The following SLC22A24 variants were observed in gnomAD, a reference collection of about 807,000 sequenced individuals.
The protein encoded by SLC22A24 is solute carrier family 22 member 24.
A neutral mutation model predicts 49.8 loss-of-function variants in SLC22A24; 53 were observed. That is an observed-to-expected ratio of 1.06 (90% CI 0.85 to 1.34). The LOEUF is 1.34. SLC22A24 is among the 40% of genes most tolerant of loss of function. SLC22A24 has a pLI of 0.00. For missense variants in SLC22A24, 786 were observed against 675.9 expected (o/e 1.16, Z -1.81); for synonymous variants, 302 against 256.4 (o/e 1.18, Z -1.70).
intron 6 of SLC22A24, among the ~76,000 whole-genome samples, chr11:63,086,277 A>T (rs1393629692): frequency 3.9e-5 from 6 of 152,320 alleles, no homozygotes; most frequent in Non-Finnish European, 2.9e-5. Context: ...AAAGACCTAG[A>T]ATCAACCTAA....
intron 9 of SLC22A24, 24 bp downstream of exon 9, chr11:63,080,896 G>GCTAGAGGGTTTACTCAC: frequency 6.5e-7 from 1 of 1,542,864 alleles, no homozygotes; most frequent in Non-Finnish European, 8.8e-7. Flanking sequence ...CCCCACTCAA[G>GCTAGAGGGTTTACTCAC]TGACAGCTAG....
intron 1 of SLC22A24, among the ~76,000 whole-genome samples, chr11:63,137,657 G>T (rs1490860247): frequency 6.6e-6 from 1 of 152,212 alleles, no homozygotes; most frequent in Non-Finnish European, 1.5e-5. Context: ...TTGCTGGAAT[G>T]GAAAATGTTA....
chr11:63,134,912 C>T lies in SLC22A24; in HGVS notation c.403-144G>A, dbSNP rs1002403292. On this transcript the variant is annotated intron_variant, in intron 1 of 9. Transcript: ENST00000612278. ...CCCTCTCCAGCTTCATCTGCAGGTACTCTTTTCTGGTAGCTCATATTCTAA... is the reference window on the plus strand; with the variant it reads ...CCCTCTCCAGCTTCATCTGCAGGTATTCTTTTCTGGTAGCTCATATTCTAA... The T allele has an allele frequency of 3.3e-5, 19 of 570,340 alleles. No homozygotes were observed. The Admixed American group carries it at 3.7e-4, about 11-fold the overall frequency. The allele number at this position is 570,340 out of a possible 1,614,324, so 35.3% of individuals were successfully genotyped here. A position where few individuals can be genotyped will look rare whatever the true frequency, so the allele number is the denominator to read the frequency against.
At chr11:63,107,969 T>C (rs1435548998) in intron 4 of SLC22A24, among the ~76,000 whole-genome samples, 2 of 152,226 alleles carry the variant, frequency 1.3e-5, no homozygotes, top group Middle Eastern at 3.4e-3. Context: ...TCCAACACTA[T>C]GTTGAATAGG....
chr11:63,143,466 A>T lies in SLC22A24; in HGVS notation c.314T>A (p.Phe105Tyr), dbSNP rs768448165. 2.5e-6 allele frequency: 4 copies of T among 1,594,148 alleles called. No homozygotes were observed. The highest frequency in any genetic ancestry group is 3.4e-6 in the Non-Finnish European group (4 of 1,170,652). ...QWQLLHLNGTFPNTNEPDTEP... is the reference protein window; with the variant it reads ...QWQLLHLNGTYPNTNEPDTEP... ...CGTGTCTGGCTCATTTGTGTTGGGG[A>T]AGGTCCCGTTCAGGTGAAGGAGCTG... The change falls in exon 1 of 10, where the codon TTC becomes TAC. Residue 105 changes from phenylalanine (F) to tyrosine (Y), a missense_variant. Physicochemically the swap from Phe to Tyr is conservative, Grantham distance 22. Coordinates refer to ENST00000612278, the MANE Select transcript of SLC22A24 (RefSeq NM_001136506.2).
intron 4 of SLC22A24, among the ~76,000 whole-genome samples, chr11:63,114,320 T>G (rs1232707747): frequency 6.6e-6 from 1 of 152,192 alleles, no homozygotes; most frequent in Non-Finnish European, 1.5e-5. Context: ...AATTTGATCT[T>G]CAATCACTGA....
At chr11:63,091,001 T>G (rs1346382973) in intron 6 of SLC22A24, among the ~76,000 whole-genome samples, 1 of 152,186 alleles carries the variant, frequency 6.6e-6, no homozygotes, top group African/African-American at 2.4e-5. Flanking sequence ...AGGAGCTGAT[T>G]TTTTGAAAAG....
chr11:63,113,637 C>T (rs753150908), intron 4 of SLC22A24, among the ~76,000 whole-genome samples: 28 of 151,980 alleles, frequency 1.8e-4, no homozygotes, highest in South Asian at 4.2e-4. Context: ...GGGCAGATCA[C>T]GAGGTCAGGG....
chr11:63,139,368 C>T (rs2087398471), intron 1 of SLC22A24, among the ~76,000 whole-genome samples: 1 of 152,156 alleles, frequency 6.6e-6, no homozygotes. Context: ...TTCTGTTTCG[C>T]ATTGTGTCAT....
chr11:63,104,414 T>A (rs1275102951), intron 4 of SLC22A24, 116 bp from the exon 5 acceptor site: 4 of 1,186,168 alleles, frequency 3.4e-6, no homozygotes, highest in Non-Finnish European at 4.6e-6. Flanking sequence ...TATAGTAGAG[T>A]CATTTCTGAC....
chr11:63,085,091 G>T (rs994622162), intron 6 of SLC22A24, among the ~76,000 whole-genome samples: 11 of 152,094 alleles, frequency 7.2e-5, no homozygotes, highest in African/African-American at 2.7e-4. Context: ...TCATGATTAG[G>T]CCCTGTGCTT....
At chr11:63,094,548 A>G (rs1218421530) in intron 6 of SLC22A24, among the ~76,000 whole-genome samples, 2 of 152,182 alleles carry the variant, frequency 1.3e-5, no homozygotes, top group Non-Finnish European at 2.9e-5. Flanking sequence ...TCCCTGAGGA[A>G]TCGCCACACT....
At chr11:63,091,488 C>T (rs1170616722) in intron 6 of SLC22A24, among the ~76,000 whole-genome samples, 1 of 152,170 alleles carries the variant, frequency 6.6e-6, no homozygotes, top group Non-Finnish European at 1.5e-5. Flanking sequence ...CCCTGGTGAA[C>T]ATCGATGAGA....
intron 6 of SLC22A24, among the ~76,000 whole-genome samples, chr11:63,086,639 C>T (rs928120544): frequency 6.6e-6 from 1 of 152,038 alleles, no homozygotes; most frequent in East Asian, 1.9e-4. Flanking sequence ...CCAAAATAGA[C>T]AATAACTTGA....
intron 4 of SLC22A24, among the ~76,000 whole-genome samples, chr11:63,117,016 T>C (rs544149301): frequency 6.6e-6 from 1 of 152,318 alleles, no homozygotes; most frequent in South Asian, 2.1e-4. Context: ...TTTCTTTAAT[T>C]CTTGAGCATA....
chr11:63,117,898 A>G (rs2134665309), intron 4 of SLC22A24, among the ~76,000 whole-genome samples: 1 of 152,310 alleles, frequency 6.6e-6, no homozygotes, highest in Non-Finnish European at 1.5e-5. Flanking sequence ...AACACTCTGC[A>G]CTGTTCAAGG....
At chr11:63,108,422 G>T (rs2087137186) in intron 4 of SLC22A24, among the ~76,000 whole-genome samples, 1 of 152,064 alleles carries the variant, frequency 6.6e-6, no homozygotes, top group Non-Finnish European at 1.5e-5. Flanking sequence ...GCCTGGCATT[G>T]GTATCATGAT....
intron 1 of SLC22A24, among the ~76,000 whole-genome samples, chr11:63,135,713 CA>C (rs1335133892): frequency 6.6e-6 from 1 of 152,126 alleles, no homozygotes; most frequent in Non-Finnish European, 1.5e-5. Context: ...TGATGTTAGA[CA>C]AAAAGCAAAA....
chr11:63,137,643 T>C (rs113172275), intron 1 of SLC22A24, among the ~76,000 whole-genome samples: 5,957 of 152,338 alleles, frequency 0.039, 167 homozygotes, highest in Non-Finnish European at 0.063. Context: ...TTTGTATGTG[T>C]ATTTTGCTGG....
Sources: allele counts gnomAD v4.1 joint callset (sites outside exome capture counted in the v4.1 genomes callset), GRCh38; gene constraint gnomAD v4.1.1; transcripts MANE v1.5; gene names NCBI Gene and HGNC (gene_info 2026-07-23, HGNC 2026-07-21).